Variants in PHF10 observed in about 807,000 individuals in gnomAD.
The protein encoded by PHF10 is BRG1-associated factor 45a.
PHF10 carries 51 observed loss-of-function variants against 68.5 expected under a neutral mutation model. The observed-to-expected ratio is 0.74, with a 90% CI of 0.59 to 0.94. PHF10 has a LOEUF of 0.94. Ranked by LOEUF, PHF10 falls within the 40% of genes least tolerant of loss-of-function variation. The pLI is 0.00. For missense variants in PHF10, 460 were observed against 602.6 expected, an observed-to-expected ratio of 0.76 and a Z score of 2.48; for synonymous variants, 204 against 203.5, an observed-to-expected ratio of 1.00 and a Z score of -0.02.
intron 2 of PHF10, among the ~76,000 whole-genome samples, chr6:169,719,474 G>T (rs1055460770): frequency 6.6e-6 from 1 of 152,142 alleles, no homozygotes; most frequent in Admixed American, 6.5e-5. Flanking sequence ...TATCACAGTC[G>T]ATCTCCATCC....
chr6:169,705,083 G>A, intron 11 of PHF10, 50 bp downstream of exon 11: 1 of 1,406,486 alleles, frequency 7.1e-7, no homozygotes, highest in South Asian at 1.4e-5. Context: ...TGGAGTGCTG[G>A]GAGAGTCTCA....
At chr6:169,705,024 A>T (rs563688315) in intron 11 of PHF10, 109 bp downstream of exon 11, 1 of 734,228 alleles carries the variant, frequency 1.4e-6, no homozygotes, top group Admixed American at 2.9e-5. Context: ...ATATTTGCAC[A>T]TAAGAGTCCA....
chr6:169,723,590 C>T (rs1789237016), intron 1 of PHF10, among the ~76,000 whole-genome samples: 1 of 152,182 alleles, frequency 6.6e-6, no homozygotes, highest in Admixed American at 6.5e-5. Flanking sequence ...TGGGGACAAG[C>T]TTGTCAAGCA....
chr6:169,720,511 T>C (rs977222372), intron 2 of PHF10, among the ~76,000 whole-genome samples: 13 of 152,212 alleles, frequency 8.5e-5, no homozygotes, highest in Non-Finnish European at 8.8e-5. Context: ...AAGATGAACC[T>C]TGAAGATATT....
chr6:169,721,047 C>A lies in PHF10; in HGVS notation c.152G>T (p.Gly51Val), dbSNP rs1218707367. 1.3e-6 allele frequency: 2 copies of A among 1,547,566 alleles called. No homozygotes were observed. Among genetic ancestry groups the A allele is most frequent in the Non-Finnish European group, 1.7e-6 (2 of 1,145,194 alleles). The change falls in exon 2 of 12, where the codon GGA becomes GTA. Residue 51 changes from glycine to valine, a missense_variant. Coordinates refer to ENST00000339209, the MANE Select transcript of PHF10 (RefSeq NM_018288.4). ...AGTTTCACAACTCCTAGAACTATCT[C>A]CTGAGCCCATTCGCCTCCTTTTGGA... ...QPSKRRRMGS[G>V]DSSRSCETSS... is the part of the protein sequence containing the mutation.
chr6:169,717,791 T>C lies in PHF10; in HGVS notation c.409+32A>G, dbSNP rs146399402. The C allele has an allele frequency of 2.0e-4, 188 of 927,024 alleles. No homozygotes were observed. The African/African-American group carries it at 2.7e-3, about 14-fold the overall frequency. The allele number at this position is 927,024 out of a possible 1,614,324, so 57.4% of individuals were successfully genotyped here. ...TAGTATTATCTCATAAATGTTCAGCTTGAAAAATTCACATTAAAAAGCTAT... is the reference window on the plus strand; with the variant it reads ...TAGTATTATCTCATAAATGTTCAGCCTGAAAAATTCACATTAAAAAGCTAT... On this transcript the variant is annotated intron_variant, in intron 4 of 11. Coordinates refer to ENST00000339209, the MANE Select transcript of PHF10 (RefSeq NM_018288.4).
At chr6:169,710,717 G>A (rs1023525150) in intron 8 of PHF10, among the ~76,000 whole-genome samples, 5 of 151,686 alleles carry the variant, frequency 3.3e-5, no homozygotes, top group African/African-American at 4.8e-5. Context: ...ATCATTTTCC[G>A]TCACAAGGGA....
intron 8 of PHF10, among the ~76,000 whole-genome samples, 197 bp downstream of exon 8, chr6:169,712,189 T>G (rs1788939781): frequency 6.6e-6 from 1 of 152,234 alleles, no homozygotes; most frequent in Non-Finnish European, 1.5e-5. Flanking sequence ...AAGGGGCGAT[T>G]TTAAGCATAA....
chr6:169,712,549 A>G lies in PHF10; in HGVS notation c.804-10T>C. Reference sequence around the variant, plus strand: ...CTCATCTGGTGAGTACCTGAAGTTCAGAGAGTTTATTTTTGGTTTCCCTTT... The same window carrying G: ...CTCATCTGGTGAGTACCTGAAGTTCGGAGAGTTTATTTTTGGTTTCCCTTT... On this transcript the variant is annotated splice_polypyrimidine_tract_variant and intron_variant, in intron 7 of 11. Coordinates refer to ENST00000339209, the MANE Select transcript of PHF10 (RefSeq NM_018288.4). The G allele has an allele frequency of 1.3e-6, 2 of 1,597,620 alleles. No homozygotes were observed. The highest frequency in any genetic ancestry group is 2.2e-5 in the East Asian group (1 of 44,788).
chr6:169,716,304 T>A (rs1200379515), intron 4 of PHF10, among the ~76,000 whole-genome samples: 1 of 152,088 alleles, frequency 6.6e-6, no homozygotes, highest in Non-Finnish European at 1.5e-5. Context: ...GGCAAATATA[T>A]CAATTTTTCA....
chr6:169,710,191 A>T, intron 9 of PHF10, 45 bp downstream of exon 9: 1 of 1,418,638 alleles, frequency 7.0e-7, no homozygotes, highest in African/African-American at 1.5e-5. Flanking sequence ...TTTCAGGGAG[A>T]GGCTGGTCAG....
At chr6:169,721,159 G>A in intron 1 of PHF10, 48 bp from the exon 2 acceptor site, 2 of 1,043,172 alleles carry the variant, frequency 1.9e-6, no homozygotes, top group East Asian at 2.6e-5. Context: ...AAGAATAAAA[G>A]AACAGTAAGT....
chr6:169,720,584 G>A (rs907673539), intron 2 of PHF10, among the ~76,000 whole-genome samples: 1 of 152,180 alleles, frequency 6.6e-6, no homozygotes, highest in Admixed American at 6.5e-5. Context: ...CCACTTATAT[G>A]AAGTAACTAA....
At chr6:169,709,304 T>C (rs1450028987) in intron 9 of PHF10, 1 of 130,992 alleles carries the variant, frequency 7.6e-6, no homozygotes, top group Non-Finnish European at 1.7e-5. Flanking sequence ...TTGGCAAAAC[T>C]TTCTCATCAG....
intron 1 of PHF10, among the ~76,000 whole-genome samples, chr6:169,722,818 C>T (rs1450506714): frequency 6.6e-6 from 1 of 152,226 alleles, no homozygotes. Context: ...AATTTCTATG[C>T]ATCACATCCT....
At chr6:169,705,414 A>G in intron 10 of PHF10, 93 bp from the exon 11 acceptor site, 1 of 856,578 alleles carries the variant, frequency 1.2e-6, no homozygotes, top group Non-Finnish European at 1.9e-6. Flanking sequence ...ACTTCCAGAG[A>G]ATGGCTATAA....
At chr6:169,721,180 GAA>G in intron 1 of PHF10, 69 bp from the exon 2 acceptor site, 2 of 892,132 alleles carry the variant, frequency 2.2e-6, no homozygotes, top group South Asian at 3.0e-5. Flanking sequence ...CTCAATAAAT[GAA>G]AGACTGTCTA....
chr6:169,720,969 C>A, intron 2 of PHF10, 36 bp downstream of exon 2: 1 of 1,156,648 alleles, frequency 8.6e-7, no homozygotes, highest in Non-Finnish European at 1.3e-6. Flanking sequence ...AGAGGAACAT[C>A]ACAAAAAATA....
In PHF10 at chr6:169,712,373, G is replaced by A. The variant is rs998361726; in HGVS notation, c.957+13C>T. On this transcript the variant is annotated intron_variant, in intron 8 of 11. Transcript: ENST00000339209. ...GAAAGGAAATGCTTCCTACTAGAGA[G>A]AAATGTTCTCACCGAAGTGCCTTTA... The A allele has an allele frequency of 6.2e-7, 1 of 1,611,064 alleles. No individual in the cohort carries two copies. The highest frequency in any genetic ancestry group is 8.5e-7 in the Non-Finnish European group (1 of 1,177,530).
Sources: allele counts gnomAD v4.1 joint callset (sites outside exome capture counted in the v4.1 genomes callset), GRCh38; gene constraint gnomAD v4.1.1; transcripts MANE v1.5; gene names NCBI Gene and HGNC (gene_info 2026-07-23, HGNC 2026-07-21).